The following BBC3 variants were observed in gnomAD, a reference collection of about 807,000 sequenced individuals.
The protein encoded by BBC3 is bcl-2-binding component 3.
A neutral mutation model predicts 18.2 loss-of-function variants in BBC3; 5 were observed. The observed-to-expected ratio is 0.27, with a 90% confidence interval of 0.14 to 0.58. BBC3 has a LOEUF of 0.58. Among genes scored for constraint, BBC3 ranks in the 20% least tolerant of loss-of-function variants. The pLI is 0.91. For synonymous variants in BBC3, 119 were observed against 128.0 expected (o/e 0.93, Z 0.47); for missense variants, 224 against 268.9 (o/e 0.83, Z 1.17).
At position 47,230,665 on chromosome 19, in the gene BBC3, G is replaced by T; in HGVS notation, c.-16+264C>A. The T allele has an allele frequency of 1.1e-6, 1 of 939,370 alleles. No homozygotes were observed. Among genetic ancestry groups the T allele is most frequent in the Non-Finnish European group, 1.3e-6 (1 of 788,202 alleles). 58.2% of individuals were successfully genotyped at this position (939,370 alleles called of 1,614,324 possible). A position where few individuals can be genotyped will look rare whatever the true frequency, so the allele number is the denominator to read the frequency against. On this transcript the variant is annotated intron_variant, in intron 1 of 3. Coordinates refer to ENST00000439096, the MANE Select transcript of BBC3 (RefSeq NM_014417.5). This position sits in a 1 kb window ranked among gnomAD's most constrained non-coding sequence, Gnocchi z 6.7. ...CCGGGGCCGCACTGGCCGCCAGGGG[G>T]CGCTGCCGAGCCCGCACCCCATTGT...
intron 3 of BBC3, among the ~76,000 whole-genome samples, chr19:47,222,913 C>T (rs2058767920): frequency 6.9e-6 from 1 of 145,630 alleles, no homozygotes; most frequent in Non-Finnish European, 1.5e-5. Context: ...TTGCGGTGAG[C>T]CGAGATCGTG....
chr19:47,222,833 C>G (rs1437207543), intron 3 of BBC3, among the ~76,000 whole-genome samples: 2 of 151,822 alleles, frequency 1.3e-5, no homozygotes, highest in Admixed American at 6.6e-5. Flanking sequence ...GACTTGGTGG[C>G]ACATGTCTGT....
chr19:47,222,106 A>C, intron 3 of BBC3, 188 bp from the exon 4 acceptor site: 1 of 551,964 alleles, frequency 1.8e-6, no homozygotes, highest in South Asian at 2.6e-5. Context: ...CTGGAGGCAG[A>C]GGACAAACAC....
At chr19:47,229,642 G>A (rs546203064) in intron 1 of BBC3, among the ~76,000 whole-genome samples, 1 of 149,534 alleles carries the variant, frequency 6.7e-6, no homozygotes, top group Non-Finnish European at 1.5e-5. Context: ...AAGCCCCTCA[G>A]ACCCAACACA....
In BBC3 at chr19:47,230,754, G is replaced by C; in HGVS notation, c.-16+175C>G. The C allele has an allele frequency of 4.1e-6, 4 of 985,274 alleles. No individual in the cohort carries two copies. The highest frequency in any genetic ancestry group is 4.8e-6 in the Non-Finnish European group (4 of 829,872). 61.0% of individuals were successfully genotyped at this position (985,274 alleles called of 1,614,324 possible). ...GCCCAGACCGGCGCCCCAACGCCGAGCCGCCTCTCACCCGGCGACCCTGGC... is the reference window on the plus strand; with the variant it reads ...GCCCAGACCGGCGCCCCAACGCCGACCCGCCTCTCACCCGGCGACCCTGGC... On this transcript the variant is annotated intron_variant, in intron 1 of 3. Coordinates refer to ENST00000439096, the MANE Select transcript of BBC3 (RefSeq NM_014417.5). The surrounding 1 kb of genome is among the most constrained non-coding windows in gnomAD (Gnocchi z 6.7).
chr19:47,221,327 T>G lies in BBC3; in HGVS notation c.*475A>C. 1 of 192,982 alleles carries G rather than the reference T, an allele frequency of 5.2e-6. No homozygotes were observed. The highest frequency in any genetic ancestry group is 1.1e-5 in the Non-Finnish European group (1 of 94,506). The allele number at this position is 192,982 out of a possible 1,614,324, so 12.0% of individuals were successfully genotyped here. ...TGGCTCCAGGAGGCTAGTGGTCACG[T>G]TTGGCTCATTTGCTCTTCACGGGCC... On this transcript the variant is annotated 3_prime_UTR_variant, in exon 4 of 4. Transcript: ENST00000439096.
intron 3 of BBC3, among the ~76,000 whole-genome samples, chr19:47,224,198 G>A (rs1050586797): frequency 1.3e-5 from 2 of 152,264 alleles, no homozygotes; most frequent in Middle Eastern, 3.4e-3. Flanking sequence ...GGGAGGCTGA[G>A]GCAGGAGAAT....
intron 3 of BBC3, among the ~76,000 whole-genome samples, chr19:47,224,499 G>A (rs2058787727): frequency 6.7e-6 from 1 of 150,272 alleles, no homozygotes; most frequent in Non-Finnish European, 1.5e-5. Flanking sequence ...TGGTGGATCT[G>A]CCTGTGGTCC....
In BBC3 at chr19:47,228,472, G is replaced by T. The variant is rs1042683928; in HGVS notation, c.-15-26C>A. On this transcript the variant is annotated intron_variant, in intron 1 of 3. Coordinates refer to ENST00000439096, the MANE Select transcript of BBC3 (RefSeq NM_014417.5). The surrounding 1 kb of genome is among the most constrained non-coding windows in gnomAD (Gnocchi z 5.5). ...CTGCGGGACACGGGAGGAGGAGCAG[G>T]TCAGCAGGGAAGTACCAGGGCCCAC... The T allele has an allele frequency of 4.1e-6, 5 of 1,231,474 alleles. No homozygotes were observed. In the African/African-American group the frequency reaches 7.8e-5, roughly 19 times the overall value. The allele number at this position is 1,231,474 out of a possible 1,614,324, so 76.3% of individuals were successfully genotyped here. A position where few individuals can be genotyped will look rare whatever the true frequency, so the allele number is the denominator to read the frequency against.
chr19:47,221,954 G>T, intron 3 of BBC3, 36 bp from the exon 4 acceptor site: 1 of 1,557,354 alleles, frequency 6.4e-7, no homozygotes, highest in Non-Finnish European at 8.7e-7. Context: ...GTTAGCAGGG[G>T]ACTGAGTATG....
intron 3 of BBC3, 24 bp downstream of exon 3, chr19:47,226,540 G>C: frequency 6.7e-7 from 1 of 1,501,580 alleles, no homozygotes; most frequent in East Asian, 2.9e-5. Context: ...CCCACCTGCC[G>C]TCTACCCCAC....
chr19:47,221,731 G>A lies in BBC3; in HGVS notation c.*71C>T. 6.2e-7 allele frequency: 1 copy of A among 1,602,226 alleles called. No individual in the cohort carries two copies. Among genetic ancestry groups the A allele is most frequent in the Non-Finnish European group, 8.5e-7 (1 of 1,176,878 alleles). Reference sequence around the variant, plus strand: ...TGGTGCAGAGAAAGTCCCCCGCGCTGGCCAGGGTGTCAGGAGGTGGGAGGG... The same window carrying A: ...TGGTGCAGAGAAAGTCCCCCGCGCTAGCCAGGGTGTCAGGAGGTGGGAGGG... On this transcript the variant is annotated 3_prime_UTR_variant, in exon 4 of 4. Transcript: ENST00000439096.
At position 47,221,597 on chromosome 19, in the gene BBC3, G is replaced by C. The variant is rs1459698181; in HGVS notation, c.*205C>G. The C allele has an allele frequency of 9.3e-7, 1 of 1,076,364 alleles. No homozygotes were observed. Among genetic ancestry groups the C allele is most frequent in the Non-Finnish European group, 1.3e-6 (1 of 762,904 alleles). 66.7% of individuals were successfully genotyped at this position (1,076,364 alleles called of 1,614,324 possible). A position where few individuals can be genotyped will look rare whatever the true frequency, so the allele number is the denominator to read the frequency against. On this transcript the variant is annotated 3_prime_UTR_variant, in exon 4 of 4. Coordinates refer to ENST00000439096, the MANE Select transcript of BBC3 (RefSeq NM_014417.5). ...TCCCTCTCCTGGCTTCTTGGCCAGGGACCCAGGAGTCCGCATCTCCGTCAG... is the reference window on the plus strand; with the variant it reads ...TCCCTCTCCTGGCTTCTTGGCCAGGCACCCAGGAGTCCGCATCTCCGTCAG...
In BBC3 at chr19:47,228,079, C is replaced by T. The variant is rs1456504597; in HGVS notation, c.274+79G>A. 44 of 1,123,656 alleles carry T rather than the reference C, an allele frequency of 3.9e-5. No individual in the cohort carries two copies. Among genetic ancestry groups the T allele is most frequent in the Non-Finnish European group, 4.9e-5 (44 of 895,746 alleles). 69.6% of individuals were successfully genotyped at this position (1,123,656 alleles called of 1,614,324 possible). A position where few individuals can be genotyped will look rare whatever the true frequency, so the allele number is the denominator to read the frequency against. ...GCCCGCCACCTCCCCCCGTCCTCTC[C>T]CACTTCTCCAGTTCCTCCGAGTCTC... On this transcript the variant is annotated intron_variant, in intron 2 of 3. Transcript: ENST00000439096. The surrounding 1 kb of genome is among the most constrained non-coding windows in gnomAD (Gnocchi z 5.5).
At chr19:47,231,361 A>AGG (rs2058913777), upstream of BBC3, among the ~76,000 whole-genome samples, 1 of 149,632 alleles carries the variant, frequency 6.7e-6, no homozygotes, top group Non-Finnish European at 1.5e-5. This position sits in a 1 kb window ranked among gnomAD's most constrained non-coding sequence, Gnocchi z 4.0. Flanking sequence ...GCCCCCCCCT[A>AGG]CCTCCGCGCC....
At chr19:47,226,942 C>G (rs750044055) in intron 2 of BBC3, 188 bp from the exon 3 acceptor site, 13 of 485,708 alleles carry the variant, frequency 2.7e-5, no homozygotes, top group Non-Finnish European at 4.5e-5. Context: ...GGACGCCGCT[C>G]TGGGGTCACC....
rs1433368307 is a variant in BBC3, at chr19:47,221,898, C to T, written c.486G>A (p.Arg162=). The T allele has an allele frequency of 1.2e-6, 2 of 1,607,886 alleles. No homozygotes were observed. Among genetic ancestry groups the T allele is most frequent in the Non-Finnish European group, 1.7e-6 (2 of 1,177,512 alleles). ...YERRRQEEQQ[R]HRPSPWRVLY... ...GGACCCTCCAGGGTGAGGGGCGGTG[C>T]CGCTGCTGCTCCTCTTGTCTCTGGG... The change falls in exon 4 of 4, where the codon CGG becomes CGA. Residue 162 remains arginine (R), a synonymous_variant. Coordinates refer to ENST00000439096, the MANE Select transcript of BBC3 (RefSeq NM_014417.5).
chr19:47,222,055 TC>T, intron 3 of BBC3, 137 bp from the exon 4 acceptor site: 1 of 745,462 alleles, frequency 1.3e-6, no homozygotes, highest in Non-Finnish European at 2.1e-6. Flanking sequence ...TGGGCTAATG[TC>T]CATGTCTCGG....
upstream of BBC3, among the ~76,000 whole-genome samples, chr19:47,231,360 T>C (rs1377188707): frequency 2.8e-5 from 4 of 140,944 alleles, no homozygotes; most frequent in South Asian, 2.2e-4. This position sits in a 1 kb window ranked among gnomAD's most constrained non-coding sequence, Gnocchi z 4.0. Context: ...CGCCCCCCCC[T>C]ACCTCCGCGC....
Sources: allele counts gnomAD v4.1 joint callset (sites outside exome capture counted in the v4.1 genomes callset), GRCh38; gene constraint gnomAD v4.1.1; non-coding constraint Gnocchi (gnomAD v3.1); transcripts MANE v1.5; gene names NCBI Gene and HGNC (gene_info 2026-07-23, HGNC 2026-07-21).